The following TCTN3 variants were observed in gnomAD, a reference collection of about 807,000 sequenced individuals.
TCTN3 encodes the protein tectonic-3.
Under a neutral mutation model 71.3 loss-of-function variants are expected in TCTN3, and 57 were observed. The observed-to-expected ratio is 0.80, with a 90% CI of 0.65 to 1.00. The LOEUF is 1.00. Among genes scored for constraint, TCTN3 ranks in the 50% least tolerant of loss-of-function variants. TCTN3 has a pLI of 0.00. For missense variants in TCTN3, 696 were observed against 719.9 expected, an observed-to-expected ratio of 0.97 and a Z score of 0.38; for synonymous variants, 258 against 267.8, an observed-to-expected ratio of 0.96 and a Z score of 0.36.
intron 13 of TCTN3, among the ~76,000 whole-genome samples, chr10:95,678,650 T>C (rs1437800559): frequency 6.6e-6 from 1 of 152,076 alleles, no homozygotes; most frequent in East Asian, 1.9e-4. Flanking sequence ...AAAGTGAGTA[T>C]GTTTATCTGA....
chr10:95,689,091 T>A (rs2097951363), intron 3 of TCTN3, among the ~76,000 whole-genome samples: 1 of 152,158 alleles, frequency 6.6e-6, no homozygotes, highest in African/African-American at 2.4e-5. Flanking sequence ...TACCTGACTT[T>A]TCAGCTTGCT....
At position 95,683,533 on chromosome 10, in the gene TCTN3, T is replaced by C. The variant is rs776333324; in HGVS notation, c.1192A>G (p.Ile398Val). 13 of 1,614,218 alleles carry C rather than the reference T, an allele frequency of 8.1e-6. No homozygotes were observed. The highest frequency in any genetic ancestry group is 2.2e-5 in the East Asian group (1 of 44,886). ...TCTAAAAAGGATACTGAGTAACTTA[T>C]ATCATCAGTCAGAGCCAAGAGTGGC... ...GKPLLALTDD[I>V]SYSMTLLQSQ... The change falls in exon 10 of 14, where the codon ATA becomes GTA. Residue 398 changes from isoleucine to valine, a missense_variant. Transcript: ENST00000371217.
chr10:95,691,389 A>G (rs2097953382), intron 3 of TCTN3, among the ~76,000 whole-genome samples: 2 of 151,992 alleles, frequency 1.3e-5, no homozygotes, highest in South Asian at 4.2e-4. Flanking sequence ...CCTGACCTCA[A>G]GTGATCTGCC....
intron 13 of TCTN3, among the ~76,000 whole-genome samples, chr10:95,678,786 T>C (rs1005991598): frequency 6.6e-6 from 1 of 152,166 alleles, no homozygotes; most frequent in Admixed American, 6.5e-5. Context: ...ACTTTTAAGA[T>C]GTTTTATTAT....
intron 3 of TCTN3, among the ~76,000 whole-genome samples, chr10:95,688,813 G>A (rs1293314583): frequency 1.3e-5 from 2 of 152,204 alleles, no homozygotes; most frequent in Non-Finnish European, 2.9e-5. Context: ...CCAGTAGAGA[G>A]ATGTAGGAAA....
chr10:95,674,207 C>G (rs965144277), intron 13 of TCTN3, among the ~76,000 whole-genome samples: 3 of 152,106 alleles, frequency 2.0e-5, no homozygotes, highest in African/African-American at 7.2e-5. Context: ...TTATTTAGAT[C>G]TCCTTTATCT....
intron 3 of TCTN3, among the ~76,000 whole-genome samples, chr10:95,689,084 C>G (rs2097951349): frequency 6.6e-6 from 1 of 152,090 alleles, no homozygotes; most frequent in Admixed American, 6.5e-5. Flanking sequence ...TCTTAATTAC[C>G]TGACTTTTCA....
At chr10:95,692,863 A>G in intron 3 of TCTN3, 57 bp downstream of exon 3, 1 of 1,324,286 alleles carries the variant, frequency 7.6e-7, no homozygotes, top group East Asian at 2.3e-5. Flanking sequence ...GCCAGGGAAG[A>G]CAAAATATAA....
intron 12 of TCTN3, among the ~76,000 whole-genome samples, chr10:95,681,168 T>A (rs2097942629): frequency 6.6e-6 from 1 of 150,656 alleles, no homozygotes; most frequent in Non-Finnish European, 1.5e-5. Context: ...CTCTGCCTCC[T>A]GGACTCAAGC....
In TCTN3 at chr10:95,664,129, C is replaced by T. The variant is rs1416641435; in HGVS notation, c.1762G>A (p.Val588Ile). The change falls in exon 14 of 14, where the codon GTC (valine) becomes ATC (isoleucine). Residue 588 changes from valine (V) to isoleucine (I), a missense_variant. Coordinates refer to ENST00000371217, the MANE Select transcript of TCTN3 (RefSeq NM_015631.6). ...AGGCACAGGATAAGGATGGGAGAGA[C>T]TGAGCATTTTTGAGAGAATACTCCT... ...SRGVFSQKCSVSPILILCLLL... is the reference protein window; with the variant it reads ...SRGVFSQKCSISPILILCLLL... The T allele has an allele frequency of 6.2e-7, 1 of 1,614,108 alleles. No homozygotes were observed. The highest frequency in any genetic ancestry group is 1.7e-5 in the Admixed American group (1 of 60,014).
chr10:95,678,465 G>A (rs746283234), intron 13 of TCTN3, among the ~76,000 whole-genome samples: 3 of 146,876 alleles, frequency 2.0e-5, no homozygotes, highest in South Asian at 2.1e-4. Context: ...CCTGGGAGGC[G>A]AAGGTTGCAG....
intron 10 of TCTN3, 93 bp from the exon 11 acceptor site, chr10:95,683,288 A>G: frequency 6.6e-7 from 1 of 1,516,642 alleles, no homozygotes; most frequent in Non-Finnish European, 8.9e-7. Flanking sequence ...CTTTAATGCT[A>G]TTTATTTTGT....
rs1589623835 is a variant in TCTN3 at position 95,693,626 on chromosome 10, C to T, written c.256+18G>A. 1.3e-6 allele frequency: 2 copies of T among 1,548,876 alleles called. No individual in the cohort carries two copies. Among genetic ancestry groups the T allele is most frequent in the South Asian group, 2.4e-5 (2 of 83,786 alleles). On this transcript the variant is annotated intron_variant, in intron 1 of 13. Coordinates refer to ENST00000371217, the MANE Select transcript of TCTN3 (RefSeq NM_015631.6). ...GATCTCAGAAGTAAGTTTCCACCCC[C>T]ACAACGTTTTCCCTCACCTGGGAAG...
chr10:95,677,408 C>T (rs927046259), intron 13 of TCTN3, among the ~76,000 whole-genome samples: 15 of 147,438 alleles, frequency 1.0e-4, no homozygotes, highest in African/African-American at 3.7e-4. Context: ...GTATCGGTCA[C>T]ACAGTAAATG....
intron 3 of TCTN3, among the ~76,000 whole-genome samples, chr10:95,691,108 T>C (rs568006998): frequency 6.6e-6 from 1 of 152,298 alleles, no homozygotes; most frequent in Admixed American, 6.5e-5. Flanking sequence ...GCCATTGCAA[T>C]AACCCTGGAG....
chr10:95,687,876 C>G (rs1263765019), intron 3 of TCTN3, among the ~76,000 whole-genome samples, 157 bp from the exon 4 acceptor site: 1 of 152,164 alleles, frequency 6.6e-6, no homozygotes, highest in Non-Finnish European at 1.5e-5. Context: ...TGTATTACCA[C>G]TATCCAGATC....
chr10:95,683,926 C>T (rs2097945733), intron 9 of TCTN3, among the ~76,000 whole-genome samples: 1 of 151,148 alleles, frequency 6.6e-6, no homozygotes, highest in African/African-American at 2.4e-5. Flanking sequence ...GCAATAATAA[C>T]ACAGCCTGGT....
At chr10:95,679,627 T>A (rs1334829689) in intron 13 of TCTN3, among the ~76,000 whole-genome samples, 1 of 143,726 alleles carries the variant, frequency 7.0e-6, no homozygotes, top group Non-Finnish European at 1.5e-5. Context: ...AGTCTCGCTC[T>A]GTCGCCCAGG....
intron 12 of TCTN3, 142 bp from the exon 13 acceptor site, chr10:95,680,751 C>A: frequency 1.1e-4 from 72 of 682,538 alleles, no homozygotes; most frequent in Middle Eastern, 4.4e-4. Flanking sequence ...CAAAAGTTCA[C>A]AATAAGACTA....
Sources: allele counts gnomAD v4.1 joint callset (sites outside exome capture counted in the v4.1 genomes callset), GRCh38; gene constraint gnomAD v4.1.1; transcripts MANE v1.5; gene names NCBI Gene and HGNC (gene_info 2026-07-23, HGNC 2026-07-21).